SLC25A3: variants seen among roughly 807,000 people sequenced by gnomAD.
SLC25A3 encodes phosphate transport protein.
Under a neutral mutation model 37.1 loss-of-function variants are expected in SLC25A3, and 14 were observed. The ratio of observed to expected loss-of-function variants is 0.38; its 90% confidence interval spans 0.25 to 0.59. SLC25A3 has a LOEUF of 0.59. Ranked by LOEUF, SLC25A3 falls within the 20% of genes least tolerant of loss-of-function variation. The probability of loss-of-function intolerance (pLI) is 0.67; values close to 1 mark genes in which losing one functional copy is unlikely to be tolerated. For synonymous variants in SLC25A3, 161 were observed against 168.7 expected (o/e 0.95, Z 0.36); for missense variants, 385 against 458.1 (o/e 0.84, Z 1.46).
intron 3 of SLC25A3, among the ~76,000 whole-genome samples, chr12:98,597,032 AAC>A (rs1027848494): frequency 6.6e-6 from 1 of 152,148 alleles, no homozygotes; most frequent in Non-Finnish European, 1.5e-5. Context: ...ACAAACAAAA[AAC>A]ACAAAAAAAG....
rs2097598197 is a variant in SLC25A3 at position 98,601,865 on chromosome 12, T to G, written c.*337T>G. 1 of 245,722 alleles carries G rather than the reference T, an allele frequency of 4.1e-6. No homozygotes were observed. Among genetic ancestry groups the G allele is most frequent in the Non-Finnish European group, 8.0e-6 (1 of 124,818 alleles). 15.2% of individuals were successfully genotyped at this position (245,722 alleles called of 1,614,324 possible). On this transcript the variant is annotated 3_prime_UTR_variant, in exon 8 of 8. Coordinates refer to ENST00000552981, the MANE Select transcript of SLC25A3 (RefSeq NM_002635.4). The stretch of plus-strand genomic sequence containing the variant: ...TGCTATTCAGAAATTGTCATATGTC[T>G]CAAGTTTTATCACACAAAGTTCCTG...
chr12:98,605,700 A>G lies in SLC25A3; in HGVS notation c.*4172A>G. 6.6e-6 allele frequency: 1 copy of G among 151,068 alleles called. No individual in the cohort carries two copies. The highest frequency in any genetic ancestry group is 1.5e-5 in the Non-Finnish European group (1 of 67,764). 9.4% of individuals were successfully genotyped at this position (151,068 alleles called of 1,614,324 possible). On this transcript the variant is annotated 3_prime_UTR_variant, in exon 8 of 8. Transcript: ENST00000552981. Reference sequence around the variant, plus strand: ...TCAGGCATGGTGGTGCATGCCTGTAATTCCAGCTACTCGGGAGGCTGAGGC... The same window carrying G: ...TCAGGCATGGTGGTGCATGCCTGTAGTTCCAGCTACTCGGGAGGCTGAGGC...
chr12:98,604,002 C>T lies in SLC25A3; in HGVS notation c.*2474C>T, dbSNP rs563148908. The T allele has an allele frequency of 1.3e-5, 2 of 152,158 alleles. No homozygotes were observed. The highest frequency in any genetic ancestry group is 2.4e-5 in the African/African-American group (1 of 41,488). 9.4% of individuals were successfully genotyped at this position (152,158 alleles called of 1,614,324 possible). A position where few individuals can be genotyped will look rare whatever the true frequency, so the allele number is the denominator to read the frequency against. ...GGCACAGTGGGTCATGCCTGTAAAC[C>T]CAGCATTCTGGGAGGCCGAGGCGGG... On this transcript the variant is annotated 3_prime_UTR_variant, in exon 8 of 8. Transcript: ENST00000552981.
chr12:98,602,147 T>G lies in SLC25A3; in HGVS notation c.*619T>G, dbSNP rs1388876241. The stretch of plus-strand genomic sequence containing the variant: ...AGCTGAAAACAATTTTCAGGTACAC[T>G]AATTCTCTTTACACAGATCTGACTT... On this transcript the variant is annotated 3_prime_UTR_variant, in exon 8 of 8. Transcript: ENST00000552981. 8 of 155,368 alleles carry G rather than the reference T, an allele frequency of 5.1e-5. No individual in the cohort carries two copies. In the East Asian group the frequency reaches 1.5e-3, roughly 29 times the overall value. The allele number at this position is 155,368 out of a possible 1,614,324, so 9.6% of individuals were successfully genotyped here.
In SLC25A3 at chr12:98,594,016, C is replaced by T. The variant is rs1331004642; in HGVS notation, c.38C>T (p.Pro13Leu). The T allele has an allele frequency of 3.1e-6, 5 of 1,613,760 alleles. No homozygotes were observed. Among genetic ancestry groups the T allele is most frequent in the African/African-American group, 1.3e-5 (1 of 74,934 alleles). Residue 13 changes from proline to leucine, a missense_variant, in exon 2 of 8, where the codon CCC becomes CTC. Pro to Leu is a moderately conservative substitution (Grantham distance 98). Coordinates refer to ENST00000552981, the MANE Select transcript of SLC25A3 (RefSeq NM_002635.4). ...GTGGCGCACCTGGCGCGGGCGAACC[C>T]CTTCAACACGCCACATCTGCAGCTG... The part of the protein sequence containing the change: ...SSVAHLARAN[P>L]FNTPHLQLVH...
At chr12:98,595,420 T>TC in intron 2 of SLC25A3, 1 of 1,612,522 alleles carries the variant, frequency 6.2e-7, no homozygotes. Context: ...TTTTTTTTTT[T>TC]CCAATCAAAC....
At chr12:98,600,247 G>A in intron 6 of SLC25A3, 120 bp downstream of exon 6, 1 of 777,766 alleles carries the variant, frequency 1.3e-6, no homozygotes, top group Non-Finnish European at 2.2e-6. Context: ...TTGTTTTTTT[G>A]GTTTCCCTGA....
chr12:98,593,753 G>T lies in SLC25A3; in HGVS notation c.-5+13G>T. ...GCCATCTTAGGGAGTGAGTGTGGCCGGGCCTTCTCCTGTGGCGGGTGTGGG... is the reference window on the plus strand; with the variant it reads ...GCCATCTTAGGGAGTGAGTGTGGCCTGGCCTTCTCCTGTGGCGGGTGTGGG... On this transcript the variant is annotated intron_variant, in intron 1 of 7. Transcript: ENST00000552981. 1 of 607,166 alleles carries T rather than the reference G, an allele frequency of 1.6e-6. No individual in the cohort carries two copies. Among genetic ancestry groups the T allele is most frequent in the Non-Finnish European group, 2.9e-6 (1 of 340,918 alleles). The allele number at this position is 607,166 out of a possible 1,614,324, so 37.6% of individuals were successfully genotyped here. A position where few individuals can be genotyped will look rare whatever the true frequency, so the allele number is the denominator to read the frequency against.
intron 3 of SLC25A3, among the ~76,000 whole-genome samples, chr12:98,596,177 G>T (rs188396026): frequency 5.8e-4 from 89 of 152,308 alleles, no homozygotes; most frequent in African/African-American, 2.1e-3. Flanking sequence ...AAACAAGTCT[G>T]TGTATTATGT....
rs1248915248 is a variant in SLC25A3, at chr12:98,602,797, T to TA, written c.*1270dup. ...TTTTACCTAGAGTCCTTATGTGTAATACGTGGGTTGGTTAACAGTCCCTAC... is the reference window on the plus strand; with the variant it reads ...TTTTACCTAGAGTCCTTATGTGTAATAACGTGGGTTGGTTAACAGTCCCTAC... On this transcript the variant is annotated 3_prime_UTR_variant, in exon 8 of 8. Transcript: ENST00000552981. The TA allele has an allele frequency of 6.6e-6, 1 of 152,242 alleles. No homozygotes were observed. Among genetic ancestry groups the TA allele is most frequent in the East Asian group, 1.9e-4 (1 of 5,200 alleles). 9.4% of individuals were successfully genotyped at this position (152,242 alleles called of 1,614,324 possible).
intron 5 of SLC25A3, 73 bp downstream of exon 5, chr12:98,598,776 T>TTTTTG: frequency 7.0e-7 from 1 of 1,435,278 alleles, no homozygotes; most frequent in South Asian, 1.2e-5. Context: ...TTTGTTTTTT[T>TTTTTG]TTTTGTTTTG....
Position 98,593,971 on chromosome 12 carries a change from C to A in SLC25A3, c.-4-4C>A, listed in dbSNP as rs781477215. The A allele has an allele frequency of 6.2e-7, 1 of 1,613,912 alleles. No individual in the cohort carries two copies. Among genetic ancestry groups the A allele is most frequent in the Non-Finnish European group, 8.5e-7 (1 of 1,179,918 alleles). On this transcript the variant is annotated splice_region_variant and splice_polypyrimidine_tract_variant and intron_variant, in intron 1 of 7. Coordinates refer to ENST00000552981, the MANE Select transcript of SLC25A3 (RefSeq NM_002635.4). ...CCTCTAACCGTCGCTCCCTCCTCCC[C>A]TAGAAAGATGTTCTCGTCCGTGGCG...
At chr12:98,597,178 TTAAC>T (rs2097593706) in intron 3 of SLC25A3, among the ~76,000 whole-genome samples, 1 of 152,196 alleles carries the variant, frequency 6.6e-6, no homozygotes, top group South Asian at 2.1e-4. Context: ...TTTTACCCTC[TTAAC>T]TATCACTCCA....
At chr12:98,595,367 C>G in intron 2 of SLC25A3, 1 of 1,571,738 alleles carries the variant, frequency 6.4e-7, no homozygotes, top group Non-Finnish European at 8.7e-7. Context: ...CATTTTCTTT[C>G]ATTCCAGTGG....
intron 2 of SLC25A3, chr12:98,595,492 A>C: frequency 2.5e-6 from 4 of 1,613,828 alleles, no homozygotes; most frequent in Non-Finnish European, 3.4e-6. Context: ...ACTTGGAGGA[A>C]TTATTAGCTG....
At position 98,601,245 on chromosome 12, in the gene SLC25A3, A is replaced by C. The variant is rs748105249; in HGVS notation, c.889A>C (p.Ser297Arg). 7.4e-6 allele frequency: 12 copies of C among 1,614,046 alleles called. No homozygotes were observed. In the Middle Eastern group the frequency reaches 4.9e-4, roughly 66 times the overall value. The change falls in exon 7 of 8, where the codon AGT (serine) becomes CGT (arginine). Residue 297 changes from serine (S) to arginine (R), a missense_variant. This residue lies in a region of SLC25A3 where 276 missense variants were observed against 367.6 expected (regional missense o/e 0.75). Coordinates refer to ENST00000552981, the MANE Select transcript of SLC25A3 (RefSeq NM_002635.4). ...VSVLNKEKGS[S>R]ASLVLKRLGF... The stretch of plus-strand genomic sequence containing the variant: ...TGTGTTGAATAAAGAAAAAGGTAGC[A>C]GTGCTTCTCTGGTCCTCAAGAGACT...
intron 3 of SLC25A3, 141 bp from the exon 4 acceptor site, chr12:98,597,715 T>G (rs1214207417): frequency 8.3e-7 from 1 of 1,202,462 alleles, no homozygotes; most frequent in Admixed American, 2.4e-5. Flanking sequence ...TGAGCCACCG[T>G]GCCTGGCAGG....
At chr12:98,599,074 T>A (rs546590662) in intron 5 of SLC25A3, among the ~76,000 whole-genome samples, 349 of 151,612 alleles carry the variant, frequency 2.3e-3, no homozygotes, top group Middle Eastern at 6.8e-3. Context: ...TTTTTTTTTT[T>A]CTTTGAGACG....
At chr12:98,594,400 C>G in intron 2 of SLC25A3, 1 of 696,760 alleles carries the variant, frequency 1.4e-6, no homozygotes, top group Non-Finnish European at 2.6e-6. Flanking sequence ...GAGGCCGTGA[C>G]TAGCTCTTTC....
Sources: allele counts gnomAD v4.1 joint callset (sites outside exome capture counted in the v4.1 genomes callset), GRCh38; gene constraint gnomAD v4.1.1; regional missense constraint gnomAD v4.1.1; transcripts MANE v1.5; gene names NCBI Gene and HGNC (gene_info 2026-07-23, HGNC 2026-07-21).